Variants in POC1B observed in about 807,000 individuals in gnomAD.
POC1B encodes POC1 centriolar protein homolog B.
Under a neutral mutation model 60.6 loss-of-function variants are expected in POC1B, and 44 were observed. That is an observed-to-expected ratio of 0.73 (90% CI 0.57 to 0.93). POC1B has a LOEUF of 0.93. POC1B is among the 40% of genes least tolerant of loss of function. POC1B has a pLI of 0.00. For missense variants in POC1B, 555 were observed against 572.3 expected, an observed-to-expected ratio of 0.97 and a Z score of 0.31; for synonymous variants, 180 against 198.9, an observed-to-expected ratio of 0.90 and a Z score of 0.80.
At chr12:89,510,906 C>T (rs1210497459) in intron 2 of POC1B, among the ~76,000 whole-genome samples, 1 of 151,562 alleles carries the variant, frequency 6.6e-6, no homozygotes, top group Non-Finnish European at 1.5e-5. Flanking sequence ...TACAGGTGCC[C>T]ACCACACTGG....
chr12:89,514,402 CTTTTTTTTTTTTTTT>C (rs60679774), intron 2 of POC1B, among the ~76,000 whole-genome samples: 1 of 67,088 alleles, frequency 1.5e-5, no homozygotes, highest in Non-Finnish European at 2.6e-5. Flanking sequence ...TCATGTATTT[CTTTTTTTTTTTTTTT>C]TTTTTTTTTT....
At chr12:89,514,364 A>G (rs2135761754) in intron 2 of POC1B, among the ~76,000 whole-genome samples, 1 of 135,438 alleles carries the variant, frequency 7.4e-6, no homozygotes, top group Non-Finnish European at 1.6e-5. Flanking sequence ...AGCCAATCAA[A>G]ACTCTTTTCT....
Position 89,458,014 on chromosome 12 carries a change from C to T in POC1B, c.1113+1624G>A, listed in dbSNP as rs141242187. Among the ~76,000 whole-genome samples the T allele has an allele frequency of 2.4e-4, 37 of 152,318 alleles. 1 individual carries two copies. The highest frequency in any genetic ancestry group is 7.0e-4 in the African/African-American group (29 of 41,576). ...GGCAGTTATGCCCACCTCAATAGCA[C>T]TGTCTGTCAAAACTGTCTGGATTCC... On this transcript the variant is annotated intron_variant, in intron 10 of 11. Transcript: ENST00000313546.
Position 89,421,062 on chromosome 12 carries a change from TGTATG to T in POC1B, c.*86_*90del. 2 of 936,964 alleles carry T rather than the reference TGTATG, an allele frequency of 2.1e-6. No homozygotes were observed. The highest frequency in any genetic ancestry group is 1.7e-5 in the South Asian group (1 of 57,144). The allele number at this position is 936,964 out of a possible 1,614,324, so 58.0% of individuals were successfully genotyped here. Reference sequence around the variant, plus strand: ...CATGATAAATAGCACATGGTTGTGTTGTATGGAGTATCTTGTACTACCTTCCTGAG... The same window carrying T: ...CATGATAAATAGCACATGGTTGTGTTGAGTATCTTGTACTACCTTCCTGAG... On this transcript the variant is annotated 3_prime_UTR_variant, in exon 12 of 12. Transcript: ENST00000313546.
rs1475340316 is a variant in POC1B at position 89,466,730 on chromosome 12, T to C, written c.1032+40A>G. On this transcript the variant is annotated intron_variant, in intron 9 of 11. Transcript: ENST00000313546. ...ACCTCCTTCAGCAAAAGCCTCAAAA[T>C]GTACACAAAATGTAGGACAAATATG... is the stretch of plus-strand genomic sequence containing the variant. The C allele has an allele frequency of 2.6e-6, 4 of 1,547,380 alleles. No homozygotes were observed. In the African/African-American group the frequency reaches 5.5e-5, roughly 21 times the overall value.
chr12:89,517,031 C>T (rs145562237), intron 2 of POC1B, among the ~76,000 whole-genome samples: 10 of 152,264 alleles, frequency 6.6e-5, no homozygotes, highest in African/African-American at 1.9e-4. Context: ...CCAAGGACTA[C>T]GACATGGACA....
At chr12:89,501,462 A>G (rs1869563259) in intron 2 of POC1B, 1 of 999,958 alleles carries the variant, frequency 1.0e-6, no homozygotes. Flanking sequence ...CCCAAGACAA[A>G]TTTCAAAGAA....
intron 7 of POC1B, among the ~76,000 whole-genome samples, chr12:89,468,788 C>T (rs1160806624): frequency 6.6e-6 from 1 of 152,046 alleles, no homozygotes; most frequent in African/African-American, 2.4e-5. Context: ...AGCAGGAAGC[C>T]AGGCAGAACC....
At chr12:89,448,369 C>T (rs1202987184) in intron 10 of POC1B, among the ~76,000 whole-genome samples, 1 of 152,164 alleles carries the variant, frequency 6.6e-6, no homozygotes, top group Admixed American at 6.5e-5. Context: ...TTATAAAAAT[C>T]ACCCTAACTA....
chr12:89,481,268 A>G (rs1284706220), intron 4 of POC1B, among the ~76,000 whole-genome samples: 4 of 152,228 alleles, frequency 2.6e-5, no homozygotes, highest in Non-Finnish European at 5.9e-5. Flanking sequence ...AACTCCTTGG[A>G]CAGAATTTCC....
At chr12:89,522,022 T>C (rs867921853) in intron 2 of POC1B, 11 of 398,876 alleles carry the variant, frequency 2.8e-5, no homozygotes, top group Non-Finnish European at 4.4e-5. Context: ...AGTACATTCA[T>C]AACTTAAGGA....
At chr12:89,515,160 G>A (rs1440260406) in intron 2 of POC1B, among the ~76,000 whole-genome samples, 2 of 152,124 alleles carry the variant, frequency 1.3e-5, no homozygotes, top group Non-Finnish European at 2.9e-5. Flanking sequence ...TAACTCAACA[G>A]ATATGTGACC....
chr12:89,496,875 G>A (rs1869275488), intron 3 of POC1B, among the ~76,000 whole-genome samples: 1 of 152,042 alleles, frequency 6.6e-6, no homozygotes, highest in Non-Finnish European at 1.5e-5. Context: ...TCATTCTGGG[G>A]AGACAGTCTA....
chr12:89,431,994 T>C (rs1265023259), intron 10 of POC1B, among the ~76,000 whole-genome samples: 6 of 152,160 alleles, frequency 3.9e-5, no homozygotes, highest in Non-Finnish European at 8.8e-5. Context: ...AATTGTTATA[T>C]CTTCTCTAAT....
intron 2 of POC1B, among the ~76,000 whole-genome samples, chr12:89,498,262 G>A (rs1202707638): frequency 1.3e-5 from 2 of 152,102 alleles, no homozygotes; most frequent in Non-Finnish European, 2.9e-5. Context: ...ATAGTTTAAG[G>A]ATTTACAAAA....
chr12:89,494,033 T>C (rs943049776), intron 3 of POC1B, among the ~76,000 whole-genome samples: 22 of 152,092 alleles, frequency 1.4e-4, no homozygotes, highest in Non-Finnish European at 2.8e-4. Context: ...CTCCTACCTA[T>C]TCTTTTCTTA....
chr12:89,421,213 C>T lies in POC1B; in HGVS notation c.1377G>A (p.Lys459=), dbSNP rs1190346673. ...LEQRLTLTED[K]LKDCLENQQK... ...GCTGATTTTCAAGGCAGTCTTTCAG[C>T]TTATCCTCTGTCAAAGTCAGTCGCT... Residue 459 remains lysine (K), a synonymous_variant, in exon 12 of 12, where the codon AAG becomes AAA. Transcript: ENST00000313546. 2 of 1,603,450 alleles carry T rather than the reference C, an allele frequency of 1.2e-6. No individual in the cohort carries two copies. The highest frequency in any genetic ancestry group is 1.7e-6 in the Non-Finnish European group (2 of 1,171,830).
intron 10 of POC1B, among the ~76,000 whole-genome samples, chr12:89,447,946 AC>A (rs1881855100): frequency 6.6e-6 from 1 of 151,860 alleles, no homozygotes; most frequent in Admixed American, 6.6e-5. Flanking sequence ...GAGCGACTGG[AC>A]CTCCTGGAAC....
chr12:89,445,584 TAC>T (rs904579382), intron 10 of POC1B, among the ~76,000 whole-genome samples: 7 of 152,192 alleles, frequency 4.6e-5, no homozygotes, highest in Non-Finnish European at 1.0e-4. Flanking sequence ...ATCCCTTCCT[TAC>T]ACCTTATACA....
Sources: gnomAD v4.1 joint callset for allele counts (sites outside exome capture counted in the v4.1 genomes callset) on GRCh38, gnomAD v4.1.1 for gene constraint, MANE v1.5 for transcripts, NCBI Gene and HGNC (gene_info 2026-07-23, HGNC 2026-07-21) for gene names.